The following GCNT1 variants were observed in gnomAD, a reference collection of about 807,000 sequenced individuals.
GCNT1 encodes beta-1,3-galactosyl-O-glycosyl-glycoprotein beta-1,6-N-acetylglucosaminyltransferase.
Under a neutral mutation model 26.2 loss-of-function variants are expected in GCNT1, and 16 were observed. That is an observed-to-expected ratio of 0.61 (90% CI 0.41 to 0.93). The LOEUF (loss-of-function observed/expected upper bound fraction) is 0.93, where lower values mean the gene tolerates loss of function less well. Ranked by LOEUF, GCNT1 falls within the 40% of genes least tolerant of loss-of-function variation. GCNT1 has a pLI of 0.00. For synonymous variants in GCNT1, 183 were observed against 190.8 expected, an observed-to-expected ratio of 0.96 and a Z score of 0.34; for missense variants, 477 against 526.7, an observed-to-expected ratio of 0.91 and a Z score of 0.92.
At chr9:76,405,721 C>T in the GCNT1 span, among the ~76,000 whole-genome samples, 1 of 152,096 alleles carries the variant, frequency 6.6e-6, no homozygotes, top group Non-Finnish European at 1.5e-5. Flanking sequence ...GGCTTGATGG[C>T]TCATTTATTT....
intron 1 of GCNT1, among the ~76,000 whole-genome samples, chr9:76,443,894 A>AAAGG (rs1554731372): frequency 0.025 from 3,111 of 123,748 alleles, 77 homozygotes; most frequent in East Asian, 0.034. Context: ...AGAAAGAAAG[A>AAAGG]AAGAAAGGAA....
intron 2 of GCNT1, among the ~76,000 whole-genome samples, chr9:76,482,321 T>TA (rs539883076): frequency 8.2e-4 from 120 of 147,198 alleles, no homozygotes; most frequent in Middle Eastern, 7.0e-3. Context: ...GTAGCAGCAT[T>TA]AAAAAAAAAA....
upstream of GCNT1, among the ~76,000 whole-genome samples, chr9:76,458,175 ATTTTTTTTTTTT>A (rs779648273): frequency 2.6e-5 from 2 of 76,212 alleles, no homozygotes; most frequent in East Asian, 4.0e-4. Context: ...TCTGAGTTGG[ATTTTTTTTTTTT>A]TTTTTTTTTT....
intron 2 of GCNT1, among the ~76,000 whole-genome samples, chr9:76,467,256 A>C (rs944838482): frequency 2.6e-5 from 4 of 152,058 alleles, no homozygotes; most frequent in Non-Finnish European, 5.9e-5. Flanking sequence ...GTTAGCCAGG[A>C]TGGTCTCAAT....
intron 1 of GCNT1, among the ~76,000 whole-genome samples, chr9:76,451,957 TTTTTTTTTTG>T (rs1251095675): frequency 6.8e-5 from 6 of 87,602 alleles, no homozygotes; most frequent in Non-Finnish European, 1.5e-4. Context: ...TCTTTTTTTT[TTTTTTTTTTG>T]TTGTTGTTGT....
the GCNT1 span, among the ~76,000 whole-genome samples, chr9:76,396,136 G>C: frequency 6.6e-6 from 1 of 152,306 alleles, no homozygotes; most frequent in East Asian, 1.9e-4. Context: ...TAAGCCCTAG[G>C]TTGCAAGAAG....
rs751017743 is a variant in GCNT1, at chr9:76,505,757, T to C, written c.*2089T>C. 3.2e-4 allele frequency: 54 copies of C among 166,970 alleles called. No individual in the cohort carries two copies. Among genetic ancestry groups the C allele is most frequent in the Admixed American group, 5.9e-4 (9 of 15,312 alleles). 10.3% of individuals were successfully genotyped at this position (166,970 alleles called of 1,614,324 possible). A position where few individuals can be genotyped will look rare whatever the true frequency, so the allele number is the denominator to read the frequency against. On this transcript the variant is annotated 3_prime_UTR_variant, in exon 4 of 4. Transcript: ENST00000376730. ...TTAAAATTTTTAAAAATTACAAATATACAAAGTTATTTATCTTAGCACATT... is the reference window on the plus strand; with the variant it reads ...TTAAAATTTTTAAAAATTACAAATACACAAAGTTATTTATCTTAGCACATT...
chr9:76,395,316 GTTTAATTTTTTTCTTT>G, the GCNT1 span, among the ~76,000 whole-genome samples: 2 of 152,156 alleles, frequency 1.3e-5, no homozygotes, highest in Non-Finnish European at 2.9e-5. Flanking sequence ...ATCCAGAGAA[GTTTAATTTTTTTCTTT>G]TTTGCTCTAT....
At chr9:76,407,190 A>G in the GCNT1 span, among the ~76,000 whole-genome samples, 1 of 150,806 alleles carries the variant, frequency 6.6e-6, no homozygotes, top group Non-Finnish European at 1.5e-5. Context: ...AGTGTTCTCT[A>G]TTGCCACACT....
At chr9:76,458,339 C>CGCCTG (rs1366778121), upstream of GCNT1, among the ~76,000 whole-genome samples, 19 of 152,004 alleles carry the variant, frequency 1.2e-4, no homozygotes, top group African/African-American at 4.1e-4. Context: ...CCCGCCACCA[C>CGCCTG]GCCTGGCTAA....
At chr9:76,490,976 A>G (rs991700562) in intron 2 of GCNT1, among the ~76,000 whole-genome samples, 2 of 152,278 alleles carry the variant, frequency 1.3e-5, no homozygotes, top group Non-Finnish European at 2.9e-5. Flanking sequence ...ACTGACAACA[A>G]GGTGGTACTG....
At chr9:76,444,145 GAGA>G in intron 1 of GCNT1, among the ~76,000 whole-genome samples, 2 of 152,262 alleles carry the variant, frequency 1.3e-5, no homozygotes, top group East Asian at 1.9e-4. Context: ...CAGGCTCCGG[GAGA>G]AGAAGATAAG....
At chr9:76,435,140 C>T (rs928098706) in intron 1 of GCNT1, among the ~76,000 whole-genome samples, 5 of 152,062 alleles carry the variant, frequency 3.3e-5, no homozygotes, top group African/African-American at 1.2e-4. Flanking sequence ...CTCCCTTTTT[C>T]CCTTTGAAGC....
upstream of GCNT1, among the ~76,000 whole-genome samples, chr9:76,454,630 G>A (rs75255794): frequency 0.11 from 17,315 of 150,804 alleles, 1,109 homozygotes; most frequent in Middle Eastern, 0.23. Context: ...TGATTGGATC[G>A]TGGGGGCAGT....
At chr9:76,428,670 C>T (rs1254324103) in intron 1 of GCNT1, among the ~76,000 whole-genome samples, 1 of 150,354 alleles carries the variant, frequency 6.7e-6, no homozygotes, top group East Asian at 1.9e-4. Flanking sequence ...GATACCTTTA[C>T]TTTGAATAAC....
At chr9:76,413,620 A>G in the GCNT1 span, among the ~76,000 whole-genome samples, 2 of 137,980 alleles carry the variant, frequency 1.4e-5, no homozygotes, top group Admixed American at 1.5e-4. Flanking sequence ...CAGTTTGCAT[A>G]TGATATGCCT....
the GCNT1 span, among the ~76,000 whole-genome samples, chr9:76,396,756 C>T: frequency 1.3e-5 from 2 of 152,152 alleles, no homozygotes; most frequent in South Asian, 2.1e-4. Flanking sequence ...GCACAAGAGT[C>T]GCTCGAACCT....
intron 2 of GCNT1, among the ~76,000 whole-genome samples, chr9:76,499,008 T>C (rs1414767088): frequency 6.6e-6 from 1 of 151,932 alleles, no homozygotes; most frequent in African/African-American, 2.4e-5. Context: ...TGCCTGAATA[T>C]CTTCATTTAG....
the GCNT1 span, among the ~76,000 whole-genome samples, chr9:76,413,669 T>G: frequency 4.5e-5 from 4 of 89,540 alleles, no homozygotes; most frequent in Admixed American, 2.9e-4. Context: ...TTTTTTTTTG[T>G]TTTTTTTTTT....
Sources: allele counts gnomAD v4.1 joint callset (sites outside exome capture counted in the v4.1 genomes callset), GRCh38; gene constraint gnomAD v4.1.1; transcripts MANE v1.5; gene names NCBI Gene and HGNC (gene_info 2026-07-23, HGNC 2026-07-21).